Variants in SH3BGRL2 observed in about 807,000 individuals in gnomAD.
SH3BGRL2 encodes the protein SH3 domain binding glutamate rich protein like 2, also known as SH3 domain-binding glutamic acid-rich-like protein 2.
A neutral mutation model predicts 14.8 loss-of-function variants in SH3BGRL2; 21 were observed. The observed-to-expected ratio is 1.42, with a 90% CI of 1.01 to 2.05. The LOEUF is 2.05. Ranked by LOEUF, SH3BGRL2 falls within the 30% of genes most tolerant of loss-of-function variation. SH3BGRL2 has a pLI of 0.00. For missense variants in SH3BGRL2, 147 were observed against 130.8 expected, an observed-to-expected ratio of 1.12 and a Z score of -0.61; for synonymous variants, 50 against 47.8, an observed-to-expected ratio of 1.05 and a Z score of -0.19.
At chr6:79,679,176 G>A (rs1332016893) in intron 2 of SH3BGRL2, among the ~76,000 whole-genome samples, 1 of 152,134 alleles carries the variant, frequency 6.6e-6, no homozygotes, top group Non-Finnish European at 1.5e-5. Flanking sequence ...TTTGTTTTAA[G>A]TTCTTTGAGA....
intron 1 of SH3BGRL2, among the ~76,000 whole-genome samples, chr6:79,660,668 A>T (rs970874712): frequency 2.0e-5 from 3 of 152,156 alleles, no homozygotes; most frequent in Admixed American, 6.5e-5. Flanking sequence ...TGAGTTAGGG[A>T]GGATTCCGTC....
the SH3BGRL2 span, among the ~76,000 whole-genome samples, chr6:79,550,551 G>C: frequency 6.6e-6 from 1 of 152,022 alleles, no homozygotes; most frequent in Non-Finnish European, 1.5e-5. Context: ...ACTGCTTCCT[G>C]GTTTTGACCT....
At chr6:79,636,732 A>G (rs1473074111) in intron 1 of SH3BGRL2, among the ~76,000 whole-genome samples, 28 of 152,038 alleles carry the variant, frequency 1.8e-4, no homozygotes, top group Admixed American at 1.8e-3. Flanking sequence ...TTTGCTGGCG[A>G]TCTTTGGCAT....
chr6:79,644,037 G>C (rs1290347160), intron 1 of SH3BGRL2, among the ~76,000 whole-genome samples: 1 of 152,154 alleles, frequency 6.6e-6, no homozygotes, highest in East Asian at 1.9e-4. Flanking sequence ...CCAGAGATGG[G>C]GTCATAGGCA....
chr6:79,601,148 T>C, the SH3BGRL2 span, among the ~76,000 whole-genome samples: 5 of 152,204 alleles, frequency 3.3e-5, no homozygotes, highest in African/African-American at 1.2e-4. Flanking sequence ...TTTTCTTCCT[T>C]GTAAAAAGGC....
At chr6:79,595,028 G>A in the SH3BGRL2 span, among the ~76,000 whole-genome samples, 1 of 152,198 alleles carries the variant, frequency 6.6e-6, no homozygotes, top group African/African-American at 2.4e-5. Flanking sequence ...GCTCACGCCT[G>A]TAATTCCAGC....
intron 1 of SH3BGRL2, among the ~76,000 whole-genome samples, chr6:79,646,169 C>T (rs1420132920): frequency 6.6e-6 from 1 of 152,122 alleles, no homozygotes; most frequent in Non-Finnish European, 1.5e-5. Context: ...CTCAAATGTC[C>T]CCTAGGGGGC....
chr6:79,599,579 C>T, the SH3BGRL2 span, among the ~76,000 whole-genome samples: 9 of 152,216 alleles, frequency 5.9e-5, no homozygotes, highest in East Asian at 1.7e-3. Flanking sequence ...CCATGTTGGC[C>T]AGGCTGGTCT....
At chr6:79,693,381 C>G (rs1052766017) in intron 2 of SH3BGRL2, among the ~76,000 whole-genome samples, 33 of 151,672 alleles carry the variant, frequency 2.2e-4, no homozygotes, top group East Asian at 7.7e-4. Context: ...CTGGCCAGGA[C>G]TTCCAACACT....
chr6:79,648,884 A>G (rs1459082074), intron 1 of SH3BGRL2, among the ~76,000 whole-genome samples: 1 of 152,186 alleles, frequency 6.6e-6, no homozygotes, highest in Non-Finnish European at 1.5e-5. Flanking sequence ...AATAAGTGGC[A>G]GGAAGAATCT....
chr6:79,671,054 A>G (rs977171977), intron 1 of SH3BGRL2, among the ~76,000 whole-genome samples: 1 of 152,132 alleles, frequency 6.6e-6, no homozygotes, highest in African/African-American at 2.4e-5. Context: ...AGCCTTCTGT[A>G]TTTAGAAAGA....
the SH3BGRL2 span, among the ~76,000 whole-genome samples, chr6:79,626,285 C>T: frequency 0.71 from 107,515 of 151,996 alleles, 38,440 homozygotes; most frequent in East Asian, 0.91. Flanking sequence ...AAAATCAGGA[C>T]GGGTGAGACT....
chr6:79,634,422 A>C (rs1216032933), intron 1 of SH3BGRL2, among the ~76,000 whole-genome samples: 1 of 152,312 alleles, frequency 6.6e-6, no homozygotes, highest in African/African-American at 2.4e-5. Context: ...CTCAGTTCTA[A>C]GAAAATAATA....
chr6:79,542,627 C>T, the SH3BGRL2 span, among the ~76,000 whole-genome samples: 1 of 152,160 alleles, frequency 6.6e-6, no homozygotes. Context: ...TTCCCAGACA[C>T]CCTTGCTAGT....
chr6:79,637,818 A>C (rs1236816414), intron 1 of SH3BGRL2, among the ~76,000 whole-genome samples: 2 of 152,234 alleles, frequency 1.3e-5, no homozygotes, highest in African/African-American at 2.4e-5. Flanking sequence ...TCATTGACCC[A>C]GTTATTCAAA....
chr6:79,581,597 T>C, the SH3BGRL2 span, among the ~76,000 whole-genome samples: 1 of 152,200 alleles, frequency 6.6e-6, no homozygotes, highest in Admixed American at 6.5e-5. Context: ...CAGCGCTTCA[T>C]GCTGAAAACT....
chr6:79,576,482 A>G, the SH3BGRL2 span, among the ~76,000 whole-genome samples: 56 of 152,288 alleles, frequency 3.7e-4, no homozygotes, highest in African/African-American at 1.3e-3. Context: ...TTCGAAAGAT[A>G]GTTTATTGTC....
At chr6:79,573,670 A>T in the SH3BGRL2 span, among the ~76,000 whole-genome samples, 3 of 152,224 alleles carry the variant, frequency 2.0e-5, no homozygotes, top group Non-Finnish European at 2.9e-5. Flanking sequence ...AAAGGCTTAT[A>T]AATTTTTCTT....
the SH3BGRL2 span, among the ~76,000 whole-genome samples, chr6:79,564,654 A>G: frequency 6.6e-6 from 1 of 152,140 alleles, no homozygotes; most frequent in Non-Finnish European, 1.5e-5. Flanking sequence ...TAAAATATAT[A>G]CTATATTTTC....
Sources: gnomAD v4.1 joint callset for allele counts (sites outside exome capture counted in the v4.1 genomes callset) on GRCh38, gnomAD v4.1.1 for gene constraint, MANE v1.5 for transcripts, NCBI Gene and HGNC (gene_info 2026-07-23, HGNC 2026-07-21) for gene names.